Variants in AP1B1 observed in about 807,000 individuals in gnomAD.
AP1B1 encodes the protein adaptor related protein complex 1 subunit beta 1.
A neutral mutation model predicts 104.3 loss-of-function variants in AP1B1; 36 were observed. The ratio of observed to expected loss-of-function variants is 0.35; its 90% confidence interval spans 0.26 to 0.46. AP1B1 has a LOEUF of 0.46. Ranked by LOEUF, AP1B1 falls within the 20% of genes least tolerant of loss-of-function variation. The pLI, the probability that AP1B1 is intolerant of heterozygous loss-of-function variation, is 1.00. For missense variants in AP1B1, 901 were observed against 1,247.9 expected, an observed-to-expected ratio of 0.72 and a Z score of 4.19; for synonymous variants, 504 against 517.5, an observed-to-expected ratio of 0.97 and a Z score of 0.35.
Position 29,330,617 on chromosome 22 carries a change from C to T in AP1B1, c.2611+6G>A. On this transcript the variant is annotated splice_donor_region_variant and intron_variant, in intron 20 of 22. Transcript: ENST00000357586. ...GGGGCTGGGGTCGGGGGCTCGGAGT[C>T]CTCACCTGCATTGAGGGGGCAGTCT... 1 of 1,613,832 alleles carries T rather than the reference C, an allele frequency of 6.2e-7. No individual in the cohort carries two copies.
intron 19 of AP1B1, among the ~76,000 whole-genome samples, chr22:29,331,113 G>T (rs1308210399): frequency 2.0e-5 from 3 of 152,196 alleles, no homozygotes; most frequent in Admixed American, 1.3e-4. Context: ...CCTTCTTGGG[G>T]GTTCCAGAAA....
At chr22:29,361,858 G>A (rs1180095649) in intron 3 of AP1B1, among the ~76,000 whole-genome samples, 2 of 151,794 alleles carry the variant, frequency 1.3e-5, no homozygotes, top group East Asian at 3.9e-4. Context: ...GCAGTGGCGT[G>A]ATCTTGGCTC....
At chr22:29,338,579 A>G (rs777288833) in intron 16 of AP1B1, among the ~76,000 whole-genome samples, 1 of 152,176 alleles carries the variant, frequency 6.6e-6, no homozygotes, top group Admixed American at 6.5e-5. Context: ...CAGCCCACCA[A>G]TTGCATTTAA....
intron 2 of AP1B1, among the ~76,000 whole-genome samples, chr22:29,363,811 C>T (rs963708087): frequency 6.6e-6 from 1 of 151,840 alleles, no homozygotes; most frequent in Non-Finnish European, 1.5e-5. Flanking sequence ...GCTGAAGAAT[C>T]GTTTGAGCCC....
At chr22:29,335,684 A>G (rs1389600940) in intron 16 of AP1B1, among the ~76,000 whole-genome samples, 1 of 152,066 alleles carries the variant, frequency 6.6e-6, no homozygotes, top group Non-Finnish European at 1.5e-5. Context: ...AATGGCCTCC[A>G]CGGGCCTTGG....
At chr22:29,350,283 G>T (rs984924658) in intron 9 of AP1B1, 133 bp from the exon 10 acceptor site, 2 of 660,136 alleles carry the variant, frequency 3.0e-6, no homozygotes, top group African/African-American at 3.6e-5. Flanking sequence ...GAAAACAGGA[G>T]AACCCTCTCC....
chr22:29,341,698 G>A lies in AP1B1; in HGVS notation c.1599C>T (p.Asp533=). The A allele has an allele frequency of 6.2e-7, 1 of 1,614,118 alleles. No individual in the cohort carries two copies. The highest frequency in any genetic ancestry group is 2.2e-5 in the East Asian group (1 of 44,890). ...ACACCACCTCCTTGGCTGCCACCGG[G>A]TCCGTGGACAGCAGGCGCCAGTAGA... is the stretch of plus-strand genomic sequence containing the variant. ...GYIYWRLLST[D]PVAAKEVVLA... The change falls in exon 13 of 23, where the codon GAC becomes GAT. Residue 533 remains aspartate (D), a synonymous_variant. Transcript: ENST00000357586.
At chr22:29,348,689 T>C (rs995642026) in intron 11 of AP1B1, among the ~76,000 whole-genome samples, 1 of 152,226 alleles carries the variant, frequency 6.6e-6, no homozygotes, top group Non-Finnish European at 1.5e-5. Flanking sequence ...TAATTCAGTG[T>C]CTGCCATGAC....
Position 29,330,736 on chromosome 22 carries a change from G to C in AP1B1, c.2525-27C>G, listed in dbSNP as rs1460443073. Reference sequence around the variant, plus strand: ...TGCGGGGTGAGCAGGGTGGGGATGAGAGGCGAGCCCCTCATAAACCTGTGG... The same window carrying C: ...TGCGGGGTGAGCAGGGTGGGGATGACAGGCGAGCCCCTCATAAACCTGTGG... On this transcript the variant is annotated intron_variant, in intron 19 of 22. Transcript: ENST00000357586. 21 of 1,592,450 alleles carry C rather than the reference G, an allele frequency of 1.3e-5. No homozygotes were observed. The East Asian group carries it at 4.5e-4, about 34-fold the overall frequency.
Position 29,328,812 on chromosome 22 carries a change from G to A in AP1B1, c.*9C>T. ...GGGCAGAAGGCTGGGGTGGGCGCTG[G>A]CCGGGGTCTCAGTTCTTGAGGATGG... On this transcript the variant is annotated 3_prime_UTR_variant, in exon 23 of 23. Coordinates refer to ENST00000357586, the MANE Select transcript of AP1B1 (RefSeq NM_001127.4). This position sits in a 1 kb window ranked among gnomAD's most constrained non-coding sequence, Gnocchi z 4.1. 6.2e-7 allele frequency: 1 copy of A among 1,602,394 alleles called. No individual in the cohort carries two copies. The highest frequency in any genetic ancestry group is 8.5e-7 in the Non-Finnish European group (1 of 1,176,864).
intron 4 of AP1B1, among the ~76,000 whole-genome samples, chr22:29,359,407 G>A (rs1331123391): frequency 6.6e-6 from 1 of 152,186 alleles, no homozygotes; most frequent in Non-Finnish European, 1.5e-5. Context: ...TACAAATTCA[G>A]AGGTACTGAA....
intron 1 of AP1B1, among the ~76,000 whole-genome samples, chr22:29,387,077 C>T (rs367559003): frequency 6.6e-6 from 1 of 152,166 alleles, no homozygotes; most frequent in African/African-American, 2.4e-5. Flanking sequence ...GAGAAGTTCT[C>T]GACAATCTTC....
intron 4 of AP1B1, chr22:29,359,555 G>T: frequency 2.7e-6 from 1 of 363,970 alleles, no homozygotes; most frequent in Non-Finnish European, 4.9e-6. Flanking sequence ...CCCTAGCAAA[G>T]CATGCAGGGC....
intron 6 of AP1B1, 103 bp downstream of exon 6, chr22:29,356,323 A>G (rs984939963): frequency 2.4e-6 from 3 of 1,232,256 alleles, no homozygotes; most frequent in Non-Finnish European, 3.3e-6. Context: ...GGGGCAAAGC[A>G]CTAGAAAGGG....
At chr22:29,364,378 A>G (rs1309676392) in intron 2 of AP1B1, among the ~76,000 whole-genome samples, 1 of 152,234 alleles carries the variant, frequency 6.6e-6, no homozygotes, top group African/African-American at 2.4e-5. Context: ...GACCCTGATA[A>G]CAGGTTAGGA....
intron 1 of AP1B1, among the ~76,000 whole-genome samples, chr22:29,380,415 G>A (rs79418544): frequency 3.9e-5 from 1 of 25,892 alleles, no homozygotes; most frequent in Non-Finnish European, 7.2e-5. Flanking sequence ...CAGAACCCCC[G>A]GGCACACATG....
chr22:29,332,928 T>C (rs1418707344), intron 17 of AP1B1, among the ~76,000 whole-genome samples: 1 of 152,206 alleles, frequency 6.6e-6, no homozygotes. Flanking sequence ...GCAGTGACTT[T>C]GCTGGGCCAT....
Position 29,367,230 on chromosome 22 carries a change from T to A in AP1B1, c.14A>T (p.Lys5Ile). The part of the protein sequence containing the change: MTDS[K>I]YFTTTKKGEI... ...ACCTTTCTTGGTCGTGGTGAAATAT[T>A]TTGAGTCAGTCATTTTGGTCCCTTA... Residue 5 changes from lysine (K) to isoleucine (I), a missense_variant, in exon 2 of 23, where the codon AAA becomes ATA. By Grantham distance (102) the Lys-to-Ile change is moderately radical. This residue lies in a region of AP1B1 where 6 missense variants were observed against 57.2 expected (regional missense o/e 0.10). Coordinates refer to ENST00000357586, the MANE Select transcript of AP1B1 (RefSeq NM_001127.4). The A allele has an allele frequency of 6.2e-7, 1 of 1,606,012 alleles. No individual in the cohort carries two copies.
In AP1B1 at chr22:29,356,611, C is replaced by T; in HGVS notation, c.531G>A (p.Val177=). The T allele has an allele frequency of 1.5e-5, 25 of 1,613,872 alleles. No homozygotes were observed. The highest frequency in any genetic ancestry group is 1.9e-5 in the Non-Finnish European group (23 of 1,179,904). Reference sequence around the variant, plus strand: ...CTGAGAGCGCTGCCACTGCATTGGCCACCACCTGGTTGAGAGGGTGGGAGG... The same window carrying T: ...CTGAGAGCGCTGCCACTGCATTGGCTACCACCTGGTTGAGAGGGTGGGAGG... ...DLISDSNPMV[V]ANAVAALSEI... is the part of the protein sequence containing the mutation. The change falls in exon 6 of 23, where the codon GTG becomes GTA. Residue 177 remains valine (V), a synonymous_variant. Coordinates refer to ENST00000357586, the MANE Select transcript of AP1B1 (RefSeq NM_001127.4).
Sources: allele counts gnomAD v4.1 joint callset (sites outside exome capture counted in the v4.1 genomes callset), GRCh38; gene constraint gnomAD v4.1.1; regional missense constraint gnomAD v4.1.1; non-coding constraint Gnocchi (gnomAD v3.1); transcripts MANE v1.5; gene names NCBI Gene and HGNC (gene_info 2026-07-23, HGNC 2026-07-21).